CTNNA3: variants seen among roughly 807,000 people sequenced by gnomAD.
CTNNA3 encodes the protein catenin alpha 3.
CTNNA3 carries 76 observed loss-of-function variants against 95.7 expected under a neutral mutation model. That is an observed-to-expected ratio of 0.79 (90% CI 0.66 to 0.96). The LOEUF (loss-of-function observed/expected upper bound fraction) is 0.96. Among genes scored for constraint, CTNNA3 ranks in the 40% least tolerant of loss-of-function variants. The pLI is 0.00. For synonymous variants in CTNNA3, 431 were observed against 374.4 expected, an observed-to-expected ratio of 1.15 and a Z score of -1.74; for missense variants, 1,191 against 1,089.8, an observed-to-expected ratio of 1.09 and a Z score of -1.31.
At chr10:66,321,306 C>A (rs2092181870) in intron 12 of CTNNA3, among the ~76,000 whole-genome samples, 1 of 151,944 alleles carries the variant, frequency 6.6e-6, no homozygotes, top group Non-Finnish European at 1.5e-5. Flanking sequence ...TCAAGATTGT[C>A]CATTCTATTA....
intron 1 of CTNNA3, among the ~76,000 whole-genome samples, chr10:67,678,651 G>GA (rs1455721022): frequency 6.6e-6 from 1 of 152,124 alleles, no homozygotes; most frequent in Admixed American, 6.5e-5. Context: ...GCAGTTGAGA[G>GA]AAAATATAAG....
At chr10:67,691,691 C>A (rs1305759728) in intron 1 of CTNNA3, among the ~76,000 whole-genome samples, 2 of 151,882 alleles carry the variant, frequency 1.3e-5, no homozygotes, top group Non-Finnish European at 2.9e-5. Context: ...AGCCCCTCCA[C>A]CCAGCAGCCA....
intron 8 of CTNNA3, among the ~76,000 whole-genome samples, chr10:66,768,118 T>C (rs189280257): frequency 6.6e-6 from 1 of 152,348 alleles, no homozygotes; most frequent in African/African-American, 2.4e-5. Context: ...AAGTTTCAGA[T>C]ACTGAAGAGA....
chr10:67,024,776 G>T (rs4745924), intron 7 of CTNNA3, among the ~76,000 whole-genome samples: 3 of 151,944 alleles, frequency 2.0e-5, no homozygotes, highest in African/African-American at 4.8e-5. Flanking sequence ...CATTGATGTT[G>T]CTTTAAATAT....
Position 67,444,843 on chromosome 10 carries a change from C to T in CTNNA3, c.579+76999G>A, listed in dbSNP as rs527623925. The stretch of plus-strand genomic sequence containing the variant: ...ACACATACAACCTACCAAGATTGAA[C>T]CACAAGGAAATCCAAAACCTGAAGA... On this transcript the variant is annotated intron_variant, in intron 5 of 17. Transcript: ENST00000433211. 9.2e-5 allele frequency among the ~76,000 whole-genome samples: 14 copies of T among 151,984 alleles called. 1 individual carries two copies. In the South Asian group the frequency reaches 2.9e-3, roughly 32 times the overall value.
intron 7 of CTNNA3, among the ~76,000 whole-genome samples, chr10:66,812,270 G>T (rs1316675060): frequency 6.6e-6 from 1 of 152,074 alleles, no homozygotes; most frequent in Non-Finnish European, 1.5e-5. Context: ...GTAGTTCTGT[G>T]AAAGGAAAAT....
At chr10:66,884,643 A>G (rs891612749) in intron 7 of CTNNA3, among the ~76,000 whole-genome samples, 4 of 152,144 alleles carry the variant, frequency 2.6e-5, no homozygotes, top group Non-Finnish European at 5.9e-5. Flanking sequence ...ACCCAGAACC[A>G]GAGCTAAGTT....
At chr10:66,473,667 C>T (rs1342130786) in intron 11 of CTNNA3, among the ~76,000 whole-genome samples, 1 of 151,828 alleles carries the variant, frequency 6.6e-6, no homozygotes. Context: ...CCTCCTGCCT[C>T]CCCCCACTCC....
chr10:67,479,462 A>G (rs1458093134), intron 5 of CTNNA3, among the ~76,000 whole-genome samples: 1 of 152,180 alleles, frequency 6.6e-6, no homozygotes, highest in Non-Finnish European at 1.5e-5. Context: ...TCAAAACCAC[A>G]CAAGTATATT....
chr10:67,347,690 T>C (rs747112528), intron 5 of CTNNA3, among the ~76,000 whole-genome samples: 1 of 152,072 alleles, frequency 6.6e-6, no homozygotes. Flanking sequence ...TTAGTAAATG[T>C]TAGTGTACAA....
intron 1 of CTNNA3, among the ~76,000 whole-genome samples, chr10:67,756,271 G>T (rs190642383): frequency 5.9e-5 from 9 of 152,114 alleles, no homozygotes; most frequent in African/African-American, 1.7e-4. Flanking sequence ...AATCAGTAGG[G>T]TGTCTATAGT....
At chr10:66,121,968 A>G (rs541629856) in intron 13 of CTNNA3, among the ~76,000 whole-genome samples, 4 of 152,324 alleles carry the variant, frequency 2.6e-5, no homozygotes, top group African/African-American at 9.6e-5. Context: ...ACATATTGCT[A>G]TGGTTTTGTT....
intron 5 of CTNNA3, among the ~76,000 whole-genome samples, chr10:67,378,667 G>C (rs1483785416): frequency 6.6e-6 from 1 of 152,154 alleles, no homozygotes; most frequent in Non-Finnish European, 1.5e-5. Context: ...TTAACTGTCT[G>C]TTCCTGACTT....
intron 10 of CTNNA3, among the ~76,000 whole-genome samples, chr10:66,611,117 G>C (rs563455090): frequency 6.6e-6 from 1 of 152,020 alleles, no homozygotes; most frequent in Non-Finnish European, 1.5e-5. Context: ...GTAGAATGGC[G>C]GTTACCAGAG....
At chr10:66,279,929 G>A (rs1461718156) in intron 13 of CTNNA3, among the ~76,000 whole-genome samples, 1 of 151,954 alleles carries the variant, frequency 6.6e-6, no homozygotes, top group Non-Finnish European at 1.5e-5. Context: ...CTCACGCCTG[G>A]GAAGGTGGAA....
rs143239282 is a variant in CTNNA3 at position 66,927,242 on chromosome 10, G to A, written c.1048-151718C>T. On this transcript the variant is annotated intron_variant, in intron 7 of 17. Coordinates refer to ENST00000433211, the MANE Select transcript of CTNNA3 (RefSeq NM_013266.4). This position sits in a 1 kb window ranked among gnomAD's most constrained non-coding sequence, Gnocchi z 4.7. Reference sequence around the variant, plus strand: ...GACGAAAATGCTTTTAATGGAATACGCAGACTCAAAGAGCTGATTCTTAGT... The same window carrying A: ...GACGAAAATGCTTTTAATGGAATACACAGACTCAAAGAGCTGATTCTTAGT... 2.1e-5 allele frequency: 34 copies of A among 1,613,882 alleles called. No individual in the cohort carries two copies. The highest frequency in any genetic ancestry group is 2.9e-5 in the Non-Finnish European group (34 of 1,180,036).
At chr10:66,693,861 A>G (rs1185455632) in intron 9 of CTNNA3, among the ~76,000 whole-genome samples, 1 of 152,174 alleles carries the variant, frequency 6.6e-6, no homozygotes, top group Non-Finnish European at 1.5e-5. Flanking sequence ...CTGAATGACT[A>G]CTGGGTACAT....
chr10:66,590,465 T>C (rs1564553001), intron 10 of CTNNA3, among the ~76,000 whole-genome samples: 1 of 152,084 alleles, frequency 6.6e-6, no homozygotes, highest in Non-Finnish European at 1.5e-5. Flanking sequence ...CTACCATTTA[T>C]CAAAGTGTAT....
chr10:65,985,195 TA>T (rs140697703), intron 16 of CTNNA3, among the ~76,000 whole-genome samples: 4,575 of 151,060 alleles, frequency 0.03, 88 homozygotes, highest in Middle Eastern at 0.096. Context: ...GTAATCATTA[TA>T]AAAAGAAGCC....
Sources: allele counts gnomAD v4.1 joint callset (sites outside exome capture counted in the v4.1 genomes callset), GRCh38; gene constraint gnomAD v4.1.1; non-coding constraint Gnocchi (gnomAD v3.1); transcripts MANE v1.5; gene names NCBI Gene and HGNC (gene_info 2026-07-23, HGNC 2026-07-21).